Variants in TNIK observed in about 807,000 individuals in gnomAD.
The protein encoded by TNIK is TRAF2 and NCK-interacting protein kinase.
In TNIK, 49 loss-of-function variants were observed where a neutral mutation model predicts 191.3. That is an observed-to-expected ratio of 0.26 (90% CI 0.20 to 0.32). The LOEUF (loss-of-function observed/expected upper bound fraction) is 0.32. TNIK is among the 10% of genes least tolerant of loss of function. The pLI is 1.00. For synonymous variants in TNIK, 594 were observed against 600.9 expected, an observed-to-expected ratio of 0.99 and a Z score of 0.17; for missense variants, 1,155 against 1,702.3, an observed-to-expected ratio of 0.68 and a Z score of 5.66.
chr3:171,121,506 C>T (rs1005325242), intron 18 of TNIK, among the ~76,000 whole-genome samples: 5 of 152,156 alleles, frequency 3.3e-5, no homozygotes, highest in African/African-American at 1.2e-4. Flanking sequence ...CTGAGATCAC[C>T]AAAGGGTAAA....
At chr3:171,064,490 G>A (rs1054033286) in intron 32 of TNIK, among the ~76,000 whole-genome samples, 1 of 152,174 alleles carries the variant, frequency 6.6e-6, no homozygotes, top group African/African-American at 2.4e-5. Flanking sequence ...ACATTAAATA[G>A]TGTGGTCAGA....
At chr3:171,277,965 C>T (rs1749961367) in intron 2 of TNIK, among the ~76,000 whole-genome samples, 1 of 152,154 alleles carries the variant, frequency 6.6e-6, no homozygotes, top group African/African-American at 2.4e-5. Context: ...GGATTAGAGG[C>T]TGCAGGGAGC....
chr3:171,109,868 G>T (rs973737155), intron 19 of TNIK, among the ~76,000 whole-genome samples: 3 of 152,030 alleles, frequency 2.0e-5, no homozygotes, highest in African/African-American at 7.2e-5. Flanking sequence ...TATTTAGAGA[G>T]GCTAATTTTT....
intron 31 of TNIK, 89 bp from the exon 32 acceptor site, chr3:171,066,415 C>G: frequency 6.4e-7 from 1 of 1,565,074 alleles, no homozygotes; most frequent in Non-Finnish European, 8.7e-7. Flanking sequence ...ACAAAAATGA[C>G]AAACGACTTG....
At chr3:171,124,456 T>C (rs1171228812) in intron 17 of TNIK, among the ~76,000 whole-genome samples, 2 of 152,190 alleles carry the variant, frequency 1.3e-5, no homozygotes, top group African/African-American at 2.4e-5. Flanking sequence ...TAAGGTAGAA[T>C]TGAAGTATGT....
At chr3:171,275,928 T>TA (rs1224754161) in intron 2 of TNIK, among the ~76,000 whole-genome samples, 4 of 150,392 alleles carry the variant, frequency 2.7e-5, no homozygotes, top group East Asian at 3.9e-4. Context: ...AATAAAAAAT[T>TA]AAAAAAATAG....
intron 1 of TNIK, among the ~76,000 whole-genome samples, chr3:171,456,960 A>T (rs907791172): frequency 6.6e-6 from 1 of 152,198 alleles, no homozygotes; most frequent in African/African-American, 2.4e-5. Flanking sequence ...GACCTTGAAC[A>T]ACTTACTTCA....
intron 2 of TNIK, among the ~76,000 whole-genome samples, chr3:171,364,241 C>T (rs954599444): frequency 1.3e-5 from 2 of 151,958 alleles, no homozygotes; most frequent in African/African-American, 4.8e-5. Context: ...GTTTGAGGAC[C>T]TCTGCCAGGA....
chr3:171,211,653 A>G (rs916268374), intron 3 of TNIK, among the ~76,000 whole-genome samples: 3 of 152,164 alleles, frequency 2.0e-5, no homozygotes, highest in Admixed American at 6.5e-5. Context: ...GGGCGCTCAG[A>G]TTTAAATTTT....
chr3:171,194,301 T>C (rs547689049), intron 5 of TNIK, among the ~76,000 whole-genome samples: 17 of 152,314 alleles, frequency 1.1e-4, no homozygotes, highest in Non-Finnish European at 1.5e-5. Flanking sequence ...AATGAAAATA[T>C]GCTCATGGCC....
intron 2 of TNIK, among the ~76,000 whole-genome samples, chr3:171,230,569 G>A (rs1231392128): frequency 6.6e-6 from 1 of 152,072 alleles, no homozygotes; most frequent in African/African-American, 2.4e-5. Context: ...TGGACCTTGA[G>A]AACAAACTGT....
At chr3:171,291,435 G>A (rs993934710) in intron 2 of TNIK, among the ~76,000 whole-genome samples, 5 of 152,076 alleles carry the variant, frequency 3.3e-5, no homozygotes, top group Non-Finnish European at 7.4e-5. Context: ...CTGATAGTGA[G>A]TTTTCTTATA....
intron 2 of TNIK, among the ~76,000 whole-genome samples, chr3:171,349,274 A>G (rs971155970): frequency 5.1e-4 from 78 of 152,162 alleles, no homozygotes; most frequent in African/African-American, 1.9e-3. Flanking sequence ...CACATATCAT[A>G]TTTTTCAGAA....
At chr3:171,444,264 T>C (rs1475463548) in intron 1 of TNIK, among the ~76,000 whole-genome samples, 2 of 152,204 alleles carry the variant, frequency 1.3e-5, no homozygotes, top group East Asian at 3.8e-4. Flanking sequence ...AAGTTGTTGT[T>C]ACAAAGAAAG....
intron 2 of TNIK, among the ~76,000 whole-genome samples, chr3:171,341,042 T>A (rs1757447460): frequency 6.6e-6 from 1 of 152,150 alleles, no homozygotes; most frequent in Non-Finnish European, 1.5e-5. Flanking sequence ...GGAAAATATA[T>A]AACAGACTAC....
intron 5 of TNIK, among the ~76,000 whole-genome samples, chr3:171,192,580 C>T (rs1482660946): frequency 1.3e-5 from 2 of 152,196 alleles, no homozygotes; most frequent in African/African-American, 4.8e-5. Flanking sequence ...ATCCCTGCTG[C>T]TTTTAGAACC....
intron 20 of TNIK, among the ~76,000 whole-genome samples, 160 bp from the exon 21 acceptor site, chr3:171,107,366 A>G (rs192441967): frequency 7.2e-4 from 109 of 152,344 alleles, no homozygotes; most frequent in African/African-American, 2.6e-3. Context: ...TCCCTTCATT[A>G]TTACTCTCGG....
intron 15 of TNIK, among the ~76,000 whole-genome samples, chr3:171,133,079 A>C (rs1729529005): frequency 6.6e-6 from 1 of 152,230 alleles, no homozygotes; most frequent in African/African-American, 2.4e-5. Context: ...TTACTGAGCA[A>C]GTTTGAGGAT....
intron 2 of TNIK, among the ~76,000 whole-genome samples, chr3:171,292,967 T>C (rs1371734638): frequency 6.6e-6 from 1 of 152,108 alleles, no homozygotes; most frequent in Non-Finnish European, 1.5e-5. Flanking sequence ...CAACTTCGGC[T>C]GCCCTGTGTC....
Sources: allele counts gnomAD v4.1 joint callset (sites outside exome capture counted in the v4.1 genomes callset), GRCh38; gene constraint gnomAD v4.1.1; transcripts MANE v1.5; gene names NCBI Gene and HGNC (gene_info 2026-07-23, HGNC 2026-07-21).